The following OSGEPL1 variants were observed in gnomAD, a reference collection of about 807,000 sequenced individuals.
OSGEPL1 encodes tRNA N6-adenosine threonylcarbamoyltransferase, mitochondrial.
Under a neutral mutation model 37.2 loss-of-function variants are expected in OSGEPL1, and 26 were observed. The observed-to-expected ratio is 0.70, with a 90% CI of 0.51 to 0.97. The LOEUF (loss-of-function observed/expected upper bound fraction) is 0.97, where lower values mean the gene tolerates loss of function less well. OSGEPL1 is among the 50% of genes least tolerant of loss of function. OSGEPL1 has a pLI of 0.00. For missense variants in OSGEPL1, 404 were observed against 487.0 expected, an observed-to-expected ratio of 0.83 and a Z score of 1.60; for synonymous variants, 140 against 159.9, an observed-to-expected ratio of 0.88 and a Z score of 0.94.
At chr2:189,753,014 A>G in intron 5 of OSGEPL1, 35 bp from the exon 6 acceptor site, 1 of 1,565,960 alleles carries the variant, frequency 6.4e-7, no homozygotes, top group South Asian at 1.2e-5. Flanking sequence ...TAACTATCAT[A>G]TATGGATATG....
intron 1 of OSGEPL1, 181 bp downstream of exon 1, chr2:189,762,504 G>T: frequency 1.2e-6 from 1 of 807,560 alleles, no homozygotes; most frequent in Non-Finnish European, 1.5e-6. Flanking sequence ...AACAAAATCT[G>T]GACAAGGAGG....
chr2:189,758,212 T>C (rs1439491033), intron 2 of OSGEPL1, among the ~76,000 whole-genome samples: 2 of 152,066 alleles, frequency 1.3e-5, no homozygotes, highest in Admixed American at 6.6e-5. Context: ...AGAAACCCCA[T>C]CTCTACTAAA....
At chr2:189,747,912 C>G (rs566078247) in intron 8 of OSGEPL1, among the ~76,000 whole-genome samples, 1 of 152,236 alleles carries the variant, frequency 6.6e-6, no homozygotes, top group South Asian at 2.1e-4. Flanking sequence ...TCTTGAACTC[C>G]TGACATCAGG....
In OSGEPL1 at chr2:189,755,020, T is replaced by C. The variant is rs2045891829; in HGVS notation, c.609+153A>G. ...TAAGAATTATAAAATTGTGTACTAC[T>C]CTTTCTATTTTTTCTCACCATATGT... is the stretch of plus-strand genomic sequence containing the variant. On this transcript the variant is annotated intron_variant, in intron 3 of 8. Transcript: ENST00000264151. 5 of 820,976 alleles carry C rather than the reference T, an allele frequency of 6.1e-6. No individual in the cohort carries two copies. In the Admixed American group the frequency reaches 1.6e-4, roughly 27 times the overall value. 50.9% of individuals were successfully genotyped at this position (820,976 alleles called of 1,614,324 possible).
At chr2:189,760,710 G>T (rs1337500418) in intron 2 of OSGEPL1, among the ~76,000 whole-genome samples, 2 of 151,796 alleles carry the variant, frequency 1.3e-5, no homozygotes, top group African/African-American at 4.8e-5. Context: ...GGAATCGTTT[G>T]AACTCGAGAG....
At chr2:189,749,335 T>C (rs2044727986) in intron 8 of OSGEPL1, among the ~76,000 whole-genome samples, 2 of 145,006 alleles carry the variant, frequency 1.4e-5, no homozygotes, top group African/African-American at 5.0e-5. Context: ...CCCTGGAGGC[T>C]GAAGTTGGAG....
Position 189,755,554 on chromosome 2 carries a change from AC to A in OSGEPL1, c.227del (p.Gly76ValfsTer19), listed in dbSNP as rs2045950207. 2.5e-6 allele frequency: 4 copies of A among 1,584,924 alleles called. No homozygotes were observed. In the African/African-American group the frequency reaches 4.1e-5, roughly 16 times the overall value. On this transcript the variant is annotated frameshift_variant, in exon 3 of 9. Coordinates refer to ENST00000264151, the MANE Select transcript of OSGEPL1 (RefSeq NM_022353.3). LOFTEE classifies it high-confidence loss of function. Reference sequence around the variant, plus strand: ...GTTGAGCTGCTGGAGGAACAATCCCACCTGTTCTGAAAGAAAGAAAGACAGC... The same window carrying A: ...GTTGAGCTGCTGGAGGAACAATCCCACTGTTCTGAAAGAAAGAAAGACAGC... ...HSQTEVHLKT[G>X]GIVPPAAQQL...
At chr2:189,755,701 C>G in intron 2 of OSGEPL1, 141 bp from the exon 3 acceptor site, 1 of 862,310 alleles carries the variant, frequency 1.2e-6, no homozygotes, top group Non-Finnish European at 1.7e-6. Context: ...TGCCTTCTAA[C>G]ATAGCACACT....
chr2:189,761,352 G>A, intron 2 of OSGEPL1, 68 bp downstream of exon 2: 3 of 1,513,814 alleles, frequency 2.0e-6, no homozygotes, highest in Non-Finnish European at 2.7e-6. Context: ...TTTTATATAT[G>A]ACAAATACAA....
intron 8 of OSGEPL1, among the ~76,000 whole-genome samples, chr2:189,747,871 A>G (rs1001565889): frequency 1.3e-5 from 2 of 152,106 alleles, no homozygotes; most frequent in African/African-American, 2.4e-5. Context: ...TTTTTAGTAG[A>G]GATGAGGTTT....
In OSGEPL1 at chr2:189,754,121, T is replaced by C; in HGVS notation, c.814+20A>G. On this transcript the variant is annotated intron_variant, in intron 4 of 8. Transcript: ENST00000264151. The stretch of plus-strand genomic sequence containing the variant: ...ATCCAGGAATATTTATCTGTTCAAC[T>C]TTACTAATTAGAAATATACCTTCCT... 1 of 1,612,344 alleles carries C rather than the reference T, an allele frequency of 6.2e-7. No homozygotes were observed. Among genetic ancestry groups the C allele is most frequent in the South Asian group, 1.1e-5 (1 of 90,962 alleles).
At chr2:189,760,644 A>T (rs2046900286) in intron 2 of OSGEPL1, among the ~76,000 whole-genome samples, 1 of 151,958 alleles carries the variant, frequency 6.6e-6, no homozygotes, top group African/African-American at 2.4e-5. Flanking sequence ...GCAAAAAATC[A>T]GCTGGGCGTG....
In OSGEPL1 at chr2:189,762,738, G is replaced by T; in HGVS notation, c.-74C>A. ...TTGTCTCCTTTCCCTACTAAAGACT[G>T]TCGACTGCCCTTATCGCTGCAGGAG... is the stretch of plus-strand genomic sequence containing the variant. On this transcript the variant is annotated 5_prime_UTR_variant, in exon 1 of 9. Transcript: ENST00000264151. 2.0e-6 allele frequency: 2 copies of T among 985,506 alleles called. No homozygotes were observed. The highest frequency in any genetic ancestry group is 2.4e-6 in the Non-Finnish European group (2 of 830,010). The allele number at this position is 985,506 out of a possible 1,614,324, so 61.0% of individuals were successfully genotyped here. A position where few individuals can be genotyped will look rare whatever the true frequency, so the allele number is the denominator to read the frequency against.
intron 8 of OSGEPL1, among the ~76,000 whole-genome samples, chr2:189,749,484 A>G (rs2044757010): frequency 6.6e-6 from 1 of 151,966 alleles, no homozygotes; most frequent in South Asian, 2.1e-4. Flanking sequence ...ACATTTAGTT[A>G]CTTTAATCAA....
rs2045734217 is a variant in OSGEPL1, at chr2:189,754,318, GT to G, written c.636del (p.Lys212AsnfsTer8). On this transcript the variant is annotated frameshift_variant, in exon 4 of 9. Transcript: ENST00000264151. LOFTEE classifies it high-confidence loss of function. The stretch of plus-strand genomic sequence containing the variant: ...CCACTCATGGTGGAGCACTCTGGAT[GT>G]TTTATTAAAGAAAGTCTTCTTGCCA... ...DKVARRLSLI[K>X]HPECSTMSGG... The G allele has an allele frequency of 1.2e-6, 2 of 1,608,850 alleles. No individual in the cohort carries two copies. The highest frequency in any genetic ancestry group is 1.7e-6 in the Non-Finnish European group (2 of 1,177,558).
At chr2:189,763,052 T>C (rs1392154874), upstream of OSGEPL1, 1 of 985,166 alleles carries the variant, frequency 1.0e-6, no homozygotes, top group Non-Finnish European at 1.2e-6. Context: ...AAGAAATTTT[T>C]TTTTTGCCCT....
upstream of OSGEPL1, chr2:189,762,899 T>C (rs971691773): frequency 6.1e-6 from 6 of 985,304 alleles, no homozygotes; most frequent in African/African-American, 1.0e-4. Flanking sequence ...CAAAACGCTC[T>C]CTGTGCGCAC....
At chr2:189,758,446 G>A (rs2106053190) in intron 2 of OSGEPL1, among the ~76,000 whole-genome samples, 1 of 152,220 alleles carries the variant, frequency 6.6e-6, no homozygotes, top group East Asian at 1.9e-4. Context: ...TGCCATGTAA[G>A]ACGCCTACTC....
In OSGEPL1 at chr2:189,752,685, T is replaced by G. The variant is rs1559163670; in HGVS notation, c.1134A>C (p.Leu378Phe). ...IERLRAGLGI[L>F]HDIEGIRYEP... ...CATAGCGGATGCCTTCTATGTCATG[T>G]AAAATGCCCAAGCCAGCACGTAGTC... Residue 378 changes from leucine (L) to phenylalanine (F), a missense_variant, in exon 7 of 9, where the codon TTA (leucine) becomes TTC (phenylalanine). Transcript: ENST00000264151. 6.2e-7 allele frequency: 1 copy of G among 1,613,928 alleles called. No individual in the cohort carries two copies. The highest frequency in any genetic ancestry group is 8.5e-7 in the Non-Finnish European group (1 of 1,179,888).
Sources: allele counts gnomAD v4.1 joint callset (sites outside exome capture counted in the v4.1 genomes callset), GRCh38; gene constraint gnomAD v4.1.1; transcripts MANE v1.5; gene names NCBI Gene and HGNC (gene_info 2026-07-23, HGNC 2026-07-21).